Variants in RTTN observed in about 807,000 individuals in gnomAD.
RTTN encodes rotatin.
A neutral mutation model predicts 269.2 loss-of-function variants in RTTN; 182 were observed. The observed-to-expected ratio is 0.68, with a 90% CI of 0.60 to 0.76. The LOEUF (loss-of-function observed/expected upper bound fraction) is 0.76, where lower values mean the gene tolerates loss of function less well. RTTN is among the 30% of genes least tolerant of loss of function. RTTN has a pLI of 0.00. For missense variants in RTTN, 2,545 were observed against 2,608.6 expected, an observed-to-expected ratio of 0.98 and a Z score of 0.53; for synonymous variants, 1,006 against 963.5, an observed-to-expected ratio of 1.04 and a Z score of -0.82.
chr18:70,187,530 T>G (rs1201893577), intron 10 of RTTN, among the ~76,000 whole-genome samples: 1 of 152,138 alleles, frequency 6.6e-6, no homozygotes, highest in Non-Finnish European at 1.5e-5. Context: ...AAAAAAAATC[T>G]AACTGTATGC....
intron 3 of RTTN, among the ~76,000 whole-genome samples, chr18:70,203,465 A>C (rs1007669584): frequency 1.3e-5 from 2 of 152,158 alleles, no homozygotes; most frequent in African/African-American, 4.8e-5. Flanking sequence ...AAGTGCCGGG[A>C]TTACAGGCGT....
intron 26 of RTTN, among the ~76,000 whole-genome samples, chr18:70,116,708 TAC>T (rs2059610289): frequency 6.6e-6 from 1 of 152,082 alleles, no homozygotes; most frequent in African/African-American, 2.4e-5. Flanking sequence ...TCATTTTGTT[TAC>T]ACACACAGTT....
intron 40 of RTTN, among the ~76,000 whole-genome samples, chr18:70,036,079 G>A (rs2057164172): frequency 6.6e-6 from 1 of 152,170 alleles, no homozygotes; most frequent in East Asian, 1.9e-4. Flanking sequence ...GGAGAAAAGG[G>A]AATGCTTATA....
chr18:70,179,154 A>T (rs1029392620), intron 10 of RTTN, among the ~76,000 whole-genome samples: 2 of 152,206 alleles, frequency 1.3e-5, no homozygotes, highest in African/African-American at 4.8e-5. Context: ...AAGTAGAACA[A>T]TCCTTACAAA....
intron 26 of RTTN, among the ~76,000 whole-genome samples, chr18:70,119,048 G>A (rs2059670023): frequency 6.6e-6 from 1 of 151,964 alleles, no homozygotes; most frequent in Non-Finnish European, 1.5e-5. Flanking sequence ...CTCTCACCAT[G>A]TCTATTCAAT....
At chr18:70,070,061 T>C (rs1365004870) in intron 34 of RTTN, among the ~76,000 whole-genome samples, 1 of 152,224 alleles carries the variant, frequency 6.6e-6, no homozygotes, top group African/African-American at 2.4e-5. Flanking sequence ...AAATGGATTA[T>C]GTACAATATA....
rs761811051 is a variant in RTTN, at chr18:70,005,280, A to G, written c.6526-13T>C. 3.7e-6 allele frequency: 6 copies of G among 1,604,392 alleles called. No individual in the cohort carries two copies. On this transcript the variant is annotated splice_polypyrimidine_tract_variant and intron_variant, in intron 47 of 48. Transcript: ENST00000640769. Reference sequence around the variant, plus strand: ...AAGCTGTTTTTGCCTAGAACAATCCATTAATTAGGTTTCTTGCCATGTGTT... The same window carrying G: ...AAGCTGTTTTTGCCTAGAACAATCCGTTAATTAGGTTTCTTGCCATGTGTT...
intron 23 of RTTN, among the ~76,000 whole-genome samples, chr18:70,133,228 G>C (rs1043081984): frequency 3.9e-5 from 6 of 152,126 alleles, no homozygotes; most frequent in African/African-American, 1.4e-4. Flanking sequence ...TACTGCAGTC[G>C]TGTGAGTTTC....
At chr18:70,201,136 T>C (rs1487231085) in intron 4 of RTTN, among the ~76,000 whole-genome samples, 1 of 152,170 alleles carries the variant, frequency 6.6e-6, no homozygotes, top group Non-Finnish European at 1.5e-5. Flanking sequence ...GATTCCAGAT[T>C]CCAGAAACAG....
chr18:70,151,864 CT>C (rs1192392708), intron 14 of RTTN, among the ~76,000 whole-genome samples: 1 of 152,146 alleles, frequency 6.6e-6, no homozygotes, highest in African/African-American at 2.4e-5. Flanking sequence ...GCTTTCTCCT[CT>C]TGATAACAAT....
intron 36 of RTTN, among the ~76,000 whole-genome samples, chr18:70,059,002 G>A (rs1409459181): frequency 2.0e-5 from 3 of 152,180 alleles, no homozygotes; most frequent in Admixed American, 6.6e-5. Flanking sequence ...TTCAGATGGT[G>A]TATGTTCAAA....
chr18:70,136,055 A>G (rs955059754), intron 21 of RTTN, among the ~76,000 whole-genome samples: 2 of 152,110 alleles, frequency 1.3e-5, no homozygotes, highest in African/African-American at 4.8e-5. Context: ...GAGAGAAGAG[A>G]TTTTTCCTAA....
chr18:70,189,588 T>C (rs932223484), intron 9 of RTTN, among the ~76,000 whole-genome samples: 1 of 152,238 alleles, frequency 6.6e-6, no homozygotes, highest in Non-Finnish European at 1.5e-5. Context: ...TTTAAAAGCA[T>C]GGACTTTAGA....
intron 34 of RTTN, among the ~76,000 whole-genome samples, chr18:70,069,879 T>C (rs1003272696): frequency 1.3e-5 from 2 of 152,176 alleles, no homozygotes; most frequent in Admixed American, 1.3e-4. Context: ...ATATAAGATA[T>C]GAAGGGTTTC....
In RTTN at chr18:70,109,663, G is replaced by A; in HGVS notation, c.3738C>T (p.Leu1246=). 1.2e-6 allele frequency: 2 copies of A among 1,614,084 alleles called. No homozygotes were observed. Among genetic ancestry groups the A allele is most frequent in the Non-Finnish European group, 1.7e-6 (2 of 1,180,022 alleles). The part of the protein sequence containing the change: ...VFQTQLALKL[L]QCLKVTDAPH... ...GCGCATCCGTCACTTTCAGACACTG[G>A]AGCAGTTTCAGAGCCAGCTGCGTTT... The change falls in exon 28 of 49, where the codon CTC becomes CTT. Residue 1246 remains leucine (L), a synonymous_variant. Coordinates refer to ENST00000640769, the MANE Select transcript of RTTN (RefSeq NM_173630.4).
chr18:70,146,746 C>T (rs1480019057), intron 17 of RTTN, among the ~76,000 whole-genome samples: 1 of 152,076 alleles, frequency 6.6e-6, no homozygotes, highest in Non-Finnish European at 1.5e-5. Flanking sequence ...AGGGCAGGGC[C>T]CATGTCTGTG....
chr18:70,052,676 C>T (rs1473897046), intron 38 of RTTN, among the ~76,000 whole-genome samples: 2 of 116,668 alleles, frequency 1.7e-5, no homozygotes, highest in Non-Finnish European at 1.9e-5. Flanking sequence ...TGTCAATTTA[C>T]ATACATAAAT....
chr18:70,157,282 G>A (rs1048061248), intron 14 of RTTN, among the ~76,000 whole-genome samples: 3 of 152,150 alleles, frequency 2.0e-5, no homozygotes, highest in Non-Finnish European at 4.4e-5. Context: ...TTGACCTCAA[G>A]GGACCAGAAA....
rs527399783 is a variant in RTTN at position 70,030,325 on chromosome 18, C to T, written c.5648-216G>A. ...GTTTTCAGTTTTTAGTAAGATACTA[C>T]CCAAATCCAATTTACAACTTGAGGA... On this transcript the variant is annotated intron_variant, in intron 41 of 48. Coordinates refer to ENST00000640769, the MANE Select transcript of RTTN (RefSeq NM_173630.4). 1.6e-4 allele frequency among the ~76,000 whole-genome samples: 24 copies of T among 152,272 alleles called. No homozygotes were observed. In the South Asian group the frequency reaches 4.8e-3, roughly 30 times the overall value.
Sources: gnomAD v4.1 joint callset for allele counts (sites outside exome capture counted in the v4.1 genomes callset) on GRCh38, gnomAD v4.1.1 for gene constraint, MANE v1.5 for transcripts, NCBI Gene and HGNC (gene_info 2026-07-23, HGNC 2026-07-21) for gene names.